The following SLC39A12 variants were observed in gnomAD, a reference collection of about 807,000 sequenced individuals.
SLC39A12 encodes the protein solute carrier family 39 member 12.
In SLC39A12, 63 loss-of-function variants were observed where a neutral mutation model predicts 71.1. That is an observed-to-expected ratio of 0.89 (90% CI 0.72 to 1.09). The LOEUF (loss-of-function observed/expected upper bound fraction) is 1.09. Among genes scored for constraint, SLC39A12 ranks in the 50% least tolerant of loss-of-function variants. SLC39A12 has a pLI of 0.00. For synonymous variants in SLC39A12, 351 were observed against 301.3 expected (o/e 1.16, Z -1.71); for missense variants, 892 against 812.6 (o/e 1.10, Z -1.19).
intron 6 of SLC39A12, among the ~76,000 whole-genome samples, chr10:17,982,464 G>A (rs1835285518): frequency 9.9e-6 from 1 of 100,902 alleles, no homozygotes; most frequent in Admixed American, 9.0e-5. Context: ...CTCTTTGAGA[G>A]AGCCTGCAAT....
At position 18,015,822 on chromosome 10, in the gene SLC39A12, C is replaced by T. The variant is rs79796048; in HGVS notation, c.1947+12464C>T. Among the ~76,000 whole-genome samples, 1,487 of 151,378 alleles carry T rather than the reference C, an allele frequency of 9.8e-3. 20 individuals carry two copies. Among genetic ancestry groups the T allele is most frequent in the Middle Eastern group, 0.014 (4 of 294 alleles). On this transcript the variant is annotated intron_variant, in intron 12 of 12. Transcript: ENST00000377369. ...CTATCCAAATGGTGGCCAGTAGTCA[C>T]ATGTGGCTATTATGCCTTGAATGAG...
At chr10:18,042,575 T>G in intron 12 of SLC39A12, 130 bp from the exon 13 acceptor site, 1 of 850,762 alleles carries the variant, frequency 1.2e-6, no homozygotes, top group Non-Finnish European at 1.7e-6. Context: ...GTATTCAGCA[T>G]TTTGTAACTG....
At chr10:17,994,914 A>G (rs1159995125) in intron 9 of SLC39A12, among the ~76,000 whole-genome samples, 1 of 152,202 alleles carries the variant, frequency 6.6e-6, no homozygotes, top group Non-Finnish European at 1.5e-5. Flanking sequence ...CATATTTAAT[A>G]TGCAGATAAA....
At chr10:18,033,328 T>A (rs1366934935) in intron 12 of SLC39A12, among the ~76,000 whole-genome samples, 3 of 149,850 alleles carry the variant, frequency 2.0e-5, no homozygotes, top group African/African-American at 7.4e-5. Context: ...CAATTTCAGC[T>A]CCTGTTATTG....
chr10:18,029,160 C>T (rs770493685), intron 12 of SLC39A12, among the ~76,000 whole-genome samples: 2 of 152,148 alleles, frequency 1.3e-5, no homozygotes, highest in Non-Finnish European at 2.9e-5. Flanking sequence ...CGTGAGCCAC[C>T]GTGCCCAGCC....
rs144121109 is a variant in SLC39A12 at position 18,041,697 on chromosome 10, GTA to G, written c.1948-1000_1948-999del. On this transcript the variant is annotated intron_variant, in intron 12 of 12. Coordinates refer to ENST00000377369, the MANE Select transcript of SLC39A12 (RefSeq NM_001145195.2). Reference sequence around the variant, plus strand: ...TATGTATATACATATGTATATATGTGTATATATATGTATATACATATGTATAT... The same window carrying G: ...TATGTATATACATATGTATATATGTGTATATATGTATATACATATGTATAT... Among the ~76,000 whole-genome samples, 44 of 96,962 alleles carry G rather than the reference GTA, an allele frequency of 4.5e-4. 1 individual carries two copies. The highest frequency in any genetic ancestry group is 7.7e-4 in the African/African-American group (19 of 24,770). 63.6% of individuals were successfully genotyped at this position (96,962 alleles called of 152,430 possible).
At chr10:17,979,965 AG>A (rs1250292776) in intron 5 of SLC39A12, among the ~76,000 whole-genome samples, 1 of 152,184 alleles carries the variant, frequency 6.6e-6, no homozygotes. Flanking sequence ...AAACTGTGAA[AG>A]GAAGTAGATA....
In SLC39A12 at chr10:17,961,690, A is replaced by C; in HGVS notation, c.371A>C (p.His124Pro). Residue 124 changes from histidine to proline, a missense_variant, in exon 3 of 13, where the codon CAT becomes CCT. His to Pro is a moderately conservative substitution (Grantham distance 77). Coordinates refer to ENST00000377369, the MANE Select transcript of SLC39A12 (RefSeq NM_001145195.2). Reference protein sequence around the residue: ...VSLLLLYYIIHQEEICSSKLN... With the variant: ...VSLLLLYYIIPQEEICSSKLN... ...CTTCTCCTTCTCTATTACATTATTC[A>C]TCAGGAAGAGATCTGTTCTTCAAAG... 1 of 1,614,092 alleles carries C rather than the reference A, an allele frequency of 6.2e-7. No homozygotes were observed. Among genetic ancestry groups the C allele is most frequent in the Non-Finnish European group, 8.5e-7 (1 of 1,179,954 alleles).
chr10:18,038,876 T>C (rs964239740), intron 12 of SLC39A12, among the ~76,000 whole-genome samples: 1 of 152,160 alleles, frequency 6.6e-6, no homozygotes, highest in African/African-American at 2.4e-5. Context: ...AAGATGGAAA[T>C]TCAAAAGTGA....
chr10:17,997,823 A>T (rs1835728608), intron 10 of SLC39A12, among the ~76,000 whole-genome samples: 1 of 152,360 alleles, frequency 6.6e-6, no homozygotes, highest in East Asian at 1.9e-4. Flanking sequence ...TTTAAATTTT[A>T]AAAAAGCACA....
chr10:17,997,827 A>G (rs957842002), intron 10 of SLC39A12, among the ~76,000 whole-genome samples: 3 of 152,230 alleles, frequency 2.0e-5, no homozygotes, highest in Admixed American at 2.0e-4. Context: ...AATTTTAAAA[A>G]AGCACAGTGA....
At chr10:18,042,272 G>A (rs1000858799) in intron 12 of SLC39A12, among the ~76,000 whole-genome samples, 1 of 152,000 alleles carries the variant, frequency 6.6e-6, no homozygotes, top group South Asian at 2.1e-4. Flanking sequence ...GAGCCCAGGA[G>A]CTTGAGACCT....
chr10:17,955,238 C>T (rs1834511290), intron 2 of SLC39A12, among the ~76,000 whole-genome samples: 1 of 152,142 alleles, frequency 6.6e-6, no homozygotes, highest in South Asian at 2.1e-4. Context: ...TTTTCTGTGA[C>T]AGTATCAGGA....
chr10:17,964,679 A>T (rs1190499749), intron 3 of SLC39A12, among the ~76,000 whole-genome samples: 1 of 152,238 alleles, frequency 6.6e-6, no homozygotes, highest in Non-Finnish European at 1.5e-5. Flanking sequence ...ACAGTGTACC[A>T]GATTTGACAT....
rs1193927685 is a variant in SLC39A12 at position 18,014,657 on chromosome 10, A to G, written c.1947+11299A>G. Among the ~76,000 whole-genome samples, 5 of 152,194 alleles carry G rather than the reference A, an allele frequency of 3.3e-5. No individual in the cohort carries two copies. In the East Asian group the frequency reaches 7.7e-4, roughly 23 times the overall value. The stretch of plus-strand genomic sequence containing the variant: ...ATGACAATAAATAAAGGAAATCTCT[A>G]TTGTCTTTCAATGTTAGAAGGGATC... On this transcript the variant is annotated intron_variant, in intron 12 of 12. Coordinates refer to ENST00000377369, the MANE Select transcript of SLC39A12 (RefSeq NM_001145195.2).
At chr10:18,005,390 T>C (rs1835982964) in intron 12 of SLC39A12, 1 of 152,220 alleles carries the variant, frequency 6.6e-6, no homozygotes, top group East Asian at 1.9e-4. Flanking sequence ...CTATACTTTG[T>C]TTAAACTAAA....
intron 12 of SLC39A12, among the ~76,000 whole-genome samples, chr10:18,030,510 A>G (rs1836811589): frequency 6.6e-6 from 1 of 151,994 alleles, no homozygotes; most frequent in South Asian, 2.1e-4. Flanking sequence ...AAGTGCTGGG[A>G]TTACAGGCGT....
chr10:18,010,256 G>T (rs1004762218), intron 12 of SLC39A12, among the ~76,000 whole-genome samples: 1 of 152,150 alleles, frequency 6.6e-6, no homozygotes, highest in African/African-American at 2.4e-5. Flanking sequence ...TTTCTTTGAA[G>T]TTTGGCAATA....
intron 10 of SLC39A12, among the ~76,000 whole-genome samples, chr10:17,999,166 C>T (rs1251209290): frequency 6.6e-6 from 1 of 151,810 alleles, no homozygotes; most frequent in African/African-American, 2.4e-5. Context: ...GGCATAGTGG[C>T]ATGTGCCTGT....
Sources: allele counts gnomAD v4.1 joint callset (sites outside exome capture counted in the v4.1 genomes callset), GRCh38; gene constraint gnomAD v4.1.1; transcripts MANE v1.5; gene names NCBI Gene and HGNC (gene_info 2026-07-23, HGNC 2026-07-21).